Variants in MID2 observed in about 807,000 individuals in gnomAD.
MID2 encodes the protein probable E3 ubiquitin-protein ligase MID2.
In MID2, 13 loss-of-function variants were observed where a neutral mutation model predicts 46.1. The observed-to-expected ratio is 0.28, with a 90% CI of 0.18 to 0.45. MID2 has a LOEUF of 0.45. MID2 is among the 20% of genes least tolerant of loss of function. The pLI is 1.00. For missense variants in MID2, 431 were observed against 575.4 expected, an observed-to-expected ratio of 0.75 and a Z score of 2.57; for synonymous variants, 199 against 212.3, an observed-to-expected ratio of 0.94 and a Z score of 0.55.
At chrX:107,860,366 T>C (rs188310433) in intron 3 of MID2, among the ~76,000 whole-genome samples, 144 of 112,169 alleles carry the variant, frequency 1.3e-3, no homozygotes, top group South Asian at 7.5e-3. Flanking sequence ...GCAAGGTTTA[T>C]TGTTCTCTGG....
At chrX:107,829,453 C>T (rs1931042007) in intron 1 of MID2, among the ~76,000 whole-genome samples, 1 of 112,581 alleles carries the variant, frequency 8.9e-6, no homozygotes, top group Admixed American at 9.4e-5. Flanking sequence ...CTGAGTCAGA[C>T]TAATTTGAAG....
chrX:107,884,928 A>G (rs909830272), intron 3 of MID2, among the ~76,000 whole-genome samples: 9 of 111,671 alleles, frequency 8.1e-5, no homozygotes, highest in Non-Finnish European at 9.4e-5. Flanking sequence ...TATATCTGAA[A>G]GCACTTTCTA....
intron 3 of MID2, among the ~76,000 whole-genome samples, chrX:107,875,732 TA>T (rs1467133721): frequency 9.0e-6 from 1 of 111,596 alleles, no homozygotes; most frequent in Non-Finnish European, 1.9e-5. Flanking sequence ...CAGCTACAAC[TA>T]AAGAGTTGGA....
intron 3 of MID2, chrX:107,895,794 A>T (rs1210457034): frequency 1.8e-5 from 2 of 112,450 alleles, no homozygotes; most frequent in Non-Finnish European, 3.7e-5. Flanking sequence ...GATAGGACTC[A>T]GAAGATCTGG....
In MID2 at chrX:107,841,517, C is replaced by G. The variant is rs980174843; in HGVS notation, c.720+132C>G. 2.2e-5 allele frequency: 10 copies of G among 462,430 alleles called. No individual in the cohort carries two copies. In the African/African-American group the frequency reaches 2.2e-4, roughly 10 times the overall value. 38.1% of individuals were successfully genotyped at this position (462,430 alleles called of 1,213,427 possible). ...TTAAGTTGTTCTCATGAGGAATAAC[C>G]TGCTCTCCTGCAAGCTCTTCCTGGA... On this transcript the variant is annotated intron_variant, in intron 2 of 9. Coordinates refer to ENST00000262843, the MANE Select transcript of MID2 (RefSeq NM_012216.4).
chrX:107,916,593 A>G (rs776371551), intron 6 of MID2, among the ~76,000 whole-genome samples: 2 of 112,478 alleles, frequency 1.8e-5, no homozygotes, highest in South Asian at 7.4e-4. Flanking sequence ...TGAGGGATGC[A>G]ACCAGCCTGT....
rs1569462068 is a variant in MID2, at chrX:107,840,833, C to T, written c.168C>T (p.Arg56=). ...GCCTCTGCTTCAGCTGTGCCCATCG[C>T]ATTTTGGTATCAAGCTGCAGCTCTG... ...AHSLCFSCAH[R]ILVSSCSSGE... Residue 56 remains arginine, a synonymous_variant, in exon 2 of 10, where the codon CGC becomes CGT. Transcript: ENST00000262843. The T allele has an allele frequency of 8.3e-7, 1 of 1,211,884 alleles. No homozygotes were observed. Among genetic ancestry groups the T allele is most frequent in the South Asian group, 1.8e-5 (1 of 56,983 alleles).
intron 3 of MID2, among the ~76,000 whole-genome samples, chrX:107,867,032 C>T (rs1931971471): frequency 8.9e-6 from 1 of 112,617 alleles, no homozygotes; most frequent in Non-Finnish European, 1.9e-5. Context: ...GACCTGATTA[C>T]AGAGGACATT....
chrX:107,919,909 C>T (rs1468918888), intron 7 of MID2, among the ~76,000 whole-genome samples: 2 of 112,128 alleles, frequency 1.8e-5, no homozygotes, highest in African/African-American at 6.5e-5. Flanking sequence ...ATCCCTAGTA[C>T]ATTTTATCTG....
chrX:107,863,606 T>C (rs1931900254), intron 3 of MID2, among the ~76,000 whole-genome samples: 1 of 112,681 alleles, frequency 8.9e-6, no homozygotes, highest in Admixed American at 9.4e-5. Context: ...TCCAGTGTGC[T>C]CTTGGAAAGT....
At chrX:107,923,670 G>A (rs1035679571) in intron 7 of MID2, among the ~76,000 whole-genome samples, 1 of 111,438 alleles carries the variant, frequency 9.0e-6, no homozygotes, top group Non-Finnish European at 1.9e-5. Flanking sequence ...TAAGGGTAAG[G>A]ATGGAGTAGG....
intron 3 of MID2, among the ~76,000 whole-genome samples, chrX:107,867,302 C>T (rs1209276460): frequency 9.3e-6 from 1 of 107,831 alleles, no homozygotes; most frequent in Non-Finnish European, 1.9e-5. Flanking sequence ...AGGCATGTGC[C>T]GCCACGCCCA....
intron 3 of MID2, among the ~76,000 whole-genome samples, chrX:107,862,446 C>T (rs1931879694): frequency 8.9e-6 from 1 of 111,813 alleles, no homozygotes; most frequent in African/African-American, 3.3e-5. Context: ...ATATTGGGTA[C>T]CTTGGCCATG....
chrX:107,884,863 G>A (rs1932414412), intron 3 of MID2, among the ~76,000 whole-genome samples: 1 of 111,510 alleles, frequency 9.0e-6, no homozygotes, highest in Admixed American at 9.5e-5. Context: ...AATGCAGACA[G>A]TAGTGTCTAC....
intron 2 of MID2, among the ~76,000 whole-genome samples, chrX:107,848,998 T>G (rs1182025836): frequency 8.9e-6 from 1 of 111,765 alleles, no homozygotes. Context: ...AAAGATGAAG[T>G]TGTCTTCTGT....
Position 107,851,707 on chromosome X carries a change from A to G in MID2, c.721-2902A>G, listed in dbSNP as rs146822824. Among the ~76,000 whole-genome samples, 684 of 109,310 alleles carry G rather than the reference A, an allele frequency of 6.3e-3. 5 individuals are homozygous for G. Among genetic ancestry groups the G allele is most frequent in the African/African-American group, 0.022 (658 of 30,003 alleles). The allele number at this position is 109,310 out of a possible 115,157, so 94.9% of individuals were successfully genotyped here. A position where few individuals can be genotyped will look rare whatever the true frequency, so the allele number is the denominator to read the frequency against. ...AAACAAACAAACAAAGAAACTACAA[A>G]CTCCTTATCTAGGCACTTAAGACCT... On this transcript the variant is annotated intron_variant, in intron 2 of 9. Transcript: ENST00000262843.
chrX:107,926,387 C>A (rs1602513509), intron 9 of MID2, 86 bp downstream of exon 9: 1 of 847,670 alleles, frequency 1.2e-6, no homozygotes, highest in Non-Finnish European at 1.7e-6. Context: ...ACCATAATAC[C>A]AATAAGTCAA....
intron 6 of MID2, 112 bp downstream of exon 6, chrX:107,916,241 T>A: frequency 8.6e-6 from 5 of 581,783 alleles, no homozygotes; most frequent in Non-Finnish European, 1.2e-5. Flanking sequence ...TTTATAATCT[T>A]TAAAATGATG....
intron 3 of MID2, among the ~76,000 whole-genome samples, chrX:107,897,539 T>C (rs1932756310): frequency 8.9e-6 from 1 of 112,236 alleles, no homozygotes; most frequent in Non-Finnish European, 1.9e-5. Flanking sequence ...GGAAGGACCA[T>C]CTTTGAAATG....
Sources: gnomAD v4.1 joint callset for allele counts (sites outside exome capture counted in the v4.1 genomes callset) on GRCh38, gnomAD v4.1.1 for gene constraint, MANE v1.5 for transcripts, NCBI Gene and HGNC (gene_info 2026-07-23, HGNC 2026-07-21) for gene names.